The following GRIK4 variants were observed in gnomAD, a reference collection of about 807,000 sequenced individuals.
GRIK4 encodes glutamate ionotropic receptor kainate type subunit 4.
GRIK4 carries 40 observed loss-of-function variants against 104.9 expected under a neutral mutation model. The observed-to-expected ratio is 0.38, with a 90% confidence interval of 0.30 to 0.50. GRIK4 has a LOEUF of 0.50. Ranked by LOEUF, GRIK4 falls within the 20% of genes least tolerant of loss-of-function variation. The pLI, the probability that GRIK4 is intolerant of heterozygous loss-of-function variation, is 0.93. For synonymous variants in GRIK4, 485 were observed against 524.9 expected, an observed-to-expected ratio of 0.92 and a Z score of 1.04; for missense variants, 1,047 against 1,308.1, an observed-to-expected ratio of 0.80 and a Z score of 3.08.
chr11:120,985,214 C>G (rs905018598), intron 20 of GRIK4, among the ~76,000 whole-genome samples: 1 of 152,162 alleles, frequency 6.6e-6, no homozygotes, highest in Non-Finnish European at 1.5e-5. Context: ...CAAATGCACT[C>G]AGCGGCGGCG....
intron 3 of GRIK4, among the ~76,000 whole-genome samples, chr11:120,801,866 C>T (rs546719719): frequency 6.6e-6 from 1 of 152,292 alleles, no homozygotes; most frequent in Admixed American, 6.5e-5. Context: ...CTCTCCACTT[C>T]CTTAAAAGCG....
At chr11:120,682,691 T>C (rs535331146) in intron 3 of GRIK4, among the ~76,000 whole-genome samples, 4 of 152,014 alleles carry the variant, frequency 2.6e-5, no homozygotes, top group Admixed American at 6.6e-5. Flanking sequence ...CGACACAGTT[T>C]CCATCTTATA....
chr11:120,875,403 C>T (rs549231227), intron 11 of GRIK4, among the ~76,000 whole-genome samples, 160 bp downstream of exon 11: 1 of 152,276 alleles, frequency 6.6e-6, no homozygotes, highest in Non-Finnish European at 1.5e-5. Flanking sequence ...TCCCTTCCTG[C>T]CACCAGATCA....
At chr11:120,867,129 G>A (rs944947324) in intron 9 of GRIK4, among the ~76,000 whole-genome samples, 9 of 152,040 alleles carry the variant, frequency 5.9e-5, no homozygotes, top group African/African-American at 1.2e-4. Context: ...TGTGGCCTCC[G>A]AGAGGGAAGG....
intron 3 of GRIK4, among the ~76,000 whole-genome samples, chr11:120,783,974 C>T (rs1327996889): frequency 2.0e-5 from 3 of 152,076 alleles, no homozygotes; most frequent in Non-Finnish European, 4.4e-5. Flanking sequence ...TACGGAGGTC[C>T]CAGCCTCAGG....
chr11:120,961,576 G>T (rs1944287834), intron 17 of GRIK4, among the ~76,000 whole-genome samples: 1 of 152,198 alleles, frequency 6.6e-6, no homozygotes, highest in Non-Finnish European at 1.5e-5. Context: ...ACTGATTCCA[G>T]ACTTGATAGG....
rs553782094 is a variant in GRIK4 at position 120,615,065 on chromosome 11, C to T, written c.-158-38620C>T. Among the ~76,000 whole-genome samples the T allele has an allele frequency of 1.4e-4, 21 of 152,280 alleles. No individual in the cohort carries two copies. In the East Asian group the frequency reaches 1.5e-3, roughly 11 times the overall value. On this transcript the variant is annotated intron_variant, in intron 1 of 20. Coordinates refer to ENST00000527524, the MANE Select transcript of GRIK4 (RefSeq NM_014619.5). ...AAACCGTAAGCAAATATGCATTCAT[C>T]GTGGGTTTCGTTTGTGTCAGGCACC...
chr11:120,518,123 C>T (rs963444296), intron 1 of GRIK4, among the ~76,000 whole-genome samples: 2 of 152,100 alleles, frequency 1.3e-5, no homozygotes, highest in African/African-American at 4.8e-5. Flanking sequence ...CCTGTGTCTC[C>T]CTCCCAACCT....
chr11:120,863,509 T>C (rs1954315017), intron 9 of GRIK4, among the ~76,000 whole-genome samples: 1 of 152,214 alleles, frequency 6.6e-6, no homozygotes, highest in African/African-American at 2.4e-5. Context: ...CACATGACTG[T>C]AGTTACTAGG....
intron 1 of GRIK4, among the ~76,000 whole-genome samples, chr11:120,618,606 C>A (rs921946082): frequency 6.6e-6 from 1 of 152,198 alleles, no homozygotes; most frequent in Admixed American, 6.5e-5. Flanking sequence ...ATAATGGTGT[C>A]GTGGGCCAGG....
At chr11:120,746,474 G>A (rs1325879099) in intron 3 of GRIK4, among the ~76,000 whole-genome samples, 4 of 152,112 alleles carry the variant, frequency 2.6e-5, no homozygotes, top group Admixed American at 1.3e-4. Flanking sequence ...GATGAGAAGA[G>A]CAAACTGCTC....
intron 1 of GRIK4, among the ~76,000 whole-genome samples, chr11:120,583,827 G>A (rs777383848): frequency 6.6e-6 from 1 of 152,152 alleles, no homozygotes; most frequent in Non-Finnish European, 1.5e-5. Flanking sequence ...TAACAATATT[G>A]AGTCTTTCTA....
chr11:120,825,415 T>C (rs1953232563), intron 6 of GRIK4, among the ~76,000 whole-genome samples: 1 of 152,132 alleles, frequency 6.6e-6, no homozygotes, highest in Non-Finnish European at 1.5e-5. Flanking sequence ...ACCTGGAGAG[T>C]GAATAACACA....
At chr11:120,977,843 C>T (rs1164064923) in intron 19 of GRIK4, among the ~76,000 whole-genome samples, 1 of 152,196 alleles carries the variant, frequency 6.6e-6, no homozygotes, top group East Asian at 1.9e-4. Context: ...TAATAACTCT[C>T]CCAATACCCC....
intron 3 of GRIK4, among the ~76,000 whole-genome samples, chr11:120,711,005 G>GGT (rs201196928): frequency 0.01 from 1,511 of 150,130 alleles, 125 homozygotes; most frequent in South Asian, 0.041. Flanking sequence ...GGTGGGGAGG[G>GGT]GGTGTGAGCA....
In GRIK4 at chr11:120,767,464, T is replaced by G. The variant is rs182215781; in HGVS notation, c.83-35229T>G. Among the ~76,000 whole-genome samples the G allele has an allele frequency of 2.0e-5, 3 of 152,332 alleles. No individual in the cohort carries two copies. The East Asian group carries it at 5.8e-4, about 29-fold the overall frequency. On this transcript the variant is annotated intron_variant, in intron 3 of 20. Coordinates refer to ENST00000527524, the MANE Select transcript of GRIK4 (RefSeq NM_014619.5). Reference sequence around the variant, plus strand: ...TTGGATGTCAACTTCTTATCAGATATGTGGTTTGCACATATTTTTTTTCCC... The same window carrying G: ...TTGGATGTCAACTTCTTATCAGATAGGTGGTTTGCACATATTTTTTTTCCC...
At chr11:120,679,004 G>A (rs1950149628) in intron 3 of GRIK4, among the ~76,000 whole-genome samples, 1 of 151,976 alleles carries the variant, frequency 6.6e-6, no homozygotes, top group Non-Finnish European at 1.5e-5. Context: ...AGAGGGAATA[G>A]GGGTGGGAGT....
rs556828150 is a variant in GRIK4 at position 120,953,051 on chromosome 11, G to C, written c.1700+87G>C. ...CATGGGGAGGGGGTGGGGAGGAGGA[G>C]AGGGGGAGGAGGAGTTGGGAAGATC... On this transcript the variant is annotated intron_variant, in intron 15 of 20. Coordinates refer to ENST00000527524, the MANE Select transcript of GRIK4 (RefSeq NM_014619.5). The surrounding 1 kb of genome is among the most constrained non-coding windows in gnomAD (Gnocchi z 4.9). 4.9e-5 allele frequency: 40 copies of C among 814,724 alleles called. No individual in the cohort carries two copies. In the African/African-American group the frequency reaches 5.3e-4, roughly 11 times the overall value. 50.5% of individuals were successfully genotyped at this position (814,724 alleles called of 1,614,324 possible). A position where few individuals can be genotyped will look rare whatever the true frequency, so the allele number is the denominator to read the frequency against.
intron 12 of GRIK4, among the ~76,000 whole-genome samples, chr11:120,899,194 A>T (rs1014865322): frequency 6.6e-5 from 10 of 152,064 alleles, no homozygotes; most frequent in African/African-American, 2.4e-4. Context: ...AAGTGGGAAG[A>T]TCACTTGAGG....
Sources: gnomAD v4.1 joint callset for allele counts (sites outside exome capture counted in the v4.1 genomes callset) on GRCh38, gnomAD v4.1.1 for gene constraint, Gnocchi (gnomAD v3.1) non-coding constraint, MANE v1.5 for transcripts, NCBI Gene and HGNC (gene_info 2026-07-23, HGNC 2026-07-21) for gene names.